Variants in THAP3 observed in about 807,000 individuals in gnomAD.
THAP3 encodes the protein THAP domain containing 3.
THAP3 carries 12 observed loss-of-function variants against 17.7 expected under a neutral mutation model. The ratio of observed to expected loss-of-function variants is 0.68; its 90% CI spans 0.43 to 1.10. The LOEUF (loss-of-function observed/expected upper bound fraction) is 1.10, where lower values mean the gene tolerates loss of function less well. THAP3 is among the 50% of genes least tolerant of loss of function. THAP3 has a pLI of 0.00. For missense variants in THAP3, 289 were observed against 318.0 expected, an observed-to-expected ratio of 0.91 and a Z score of 0.69; for synonymous variants, 133 against 126.9, an observed-to-expected ratio of 1.05 and a Z score of -0.32.
Position 6,632,076 on chromosome 1 carries a change from C to T in THAP3, c.334-315C>T, listed in dbSNP as rs556434635. Among the ~76,000 whole-genome samples, 297 of 145,628 alleles carry T rather than the reference C, an allele frequency of 2.0e-3. 1 individual carries two copies. Among genetic ancestry groups the T allele is most frequent in the Admixed American group, 3.0e-3 (44 of 14,516 alleles). ...AAAAAAAAAAAAAAATTTAGCCAGG[C>T]GTGGTGGCACATGCTTGTAATTCTA... On this transcript the variant is annotated intron_variant, in intron 4 of 5. Transcript: ENST00000054650.
At chr1:6,634,733 G>A, downstream of THAP3, 1 of 1,358,188 alleles carries the variant, frequency 7.4e-7, no homozygotes, top group South Asian at 1.2e-5. Context: ...CACAGGCCCT[G>A]GTGTTCCTGT....
intron 4 of THAP3, among the ~76,000 whole-genome samples, chr1:6,632,054 A>AAAG (rs1222092995): frequency 2.6e-5 from 4 of 151,192 alleles, no homozygotes; most frequent in African/African-American, 9.8e-5. Context: ...CTCAAAAAAA[A>AAAG]AAAAAAAAAA....
At chr1:6,633,957 T>G, downstream of THAP3, 1 of 1,451,502 alleles carries the variant, frequency 6.9e-7, no homozygotes, top group Non-Finnish European at 9.5e-7. Context: ...ATTTATAGCT[T>G]TAGTGAATTA....
downstream of THAP3, chr1:6,634,480 G>C: frequency 1.5e-6 from 2 of 1,327,380 alleles, no homozygotes; most frequent in Non-Finnish European, 2.0e-6. Context: ...ACAGCTGTGG[G>C]TGGGCTGGAG....
At chr1:6,630,481 C>T (rs373391397) in intron 4 of THAP3, 128 bp downstream of exon 4, 32 of 871,512 alleles carry the variant, frequency 3.7e-5, no homozygotes, top group East Asian at 5.2e-5. Context: ...TTTGGATTCC[C>T]GGTTTTTCTG....
chr1:6,628,088 CTGTT>C (rs1641511602), intron 2 of THAP3: 1 of 168,126 alleles, frequency 5.9e-6, no homozygotes, highest in Admixed American at 5.7e-5. Flanking sequence ...TTCCCTCTGT[CTGTT>C]CTCTGGAGCA....
chr1:6,634,825 G>A, downstream of THAP3: 1 of 1,256,200 alleles, frequency 8.0e-7, no homozygotes, highest in Non-Finnish European at 1.0e-6. Flanking sequence ...CCACGCCTTT[G>A]GGTTGGGTGT....
At chr1:6,632,065 A>AT (rs397958705) in intron 4 of THAP3, among the ~76,000 whole-genome samples, 1 of 149,828 alleles carries the variant, frequency 6.7e-6, no homozygotes, top group Non-Finnish European at 1.5e-5. Context: ...AAAAAAAAAA[A>AT]TTTAGCCAGG....
chr1:6,633,427 C>A lies in THAP3; in HGVS notation c.*350C>A. On this transcript the variant is annotated 3_prime_UTR_variant, in exon 6 of 6. Transcript: ENST00000054650. Reference sequence around the variant, plus strand: ...TGGGAGATGCTCCTCAGGGAGGAAGCCATGTGAGGGGGCTGGCTCTGTGGC... The same window carrying A: ...TGGGAGATGCTCCTCAGGGAGGAAGACATGTGAGGGGGCTGGCTCTGTGGC... 8.5e-7 allele frequency: 1 copy of A among 1,178,414 alleles called. No homozygotes were observed. The highest frequency in any genetic ancestry group is 1.1e-6 in the Non-Finnish European group (1 of 944,734). 73.0% of individuals were successfully genotyped at this position (1,178,414 alleles called of 1,614,324 possible). A position where few individuals can be genotyped will look rare whatever the true frequency, so the allele number is the denominator to read the frequency against.
downstream of THAP3, chr1:6,634,160 C>T (rs79312390): frequency 1.2e-3 from 1,706 of 1,372,716 alleles, 16 homozygotes; most frequent in African/African-American, 0.018. Flanking sequence ...CACGGAAGAG[C>T]GCCAGCCTCT....
downstream of THAP3, chr1:6,634,388 A>C: frequency 8.3e-7 from 1 of 1,199,168 alleles, no homozygotes; most frequent in Non-Finnish European, 1.1e-6. Flanking sequence ...GGACAACCCG[A>C]ACTGCTTTTC....
intron 2 of THAP3, among the ~76,000 whole-genome samples, chr1:6,626,373 C>T (rs2148714660): frequency 6.6e-6 from 1 of 152,096 alleles, no homozygotes; most frequent in Admixed American, 6.5e-5. Flanking sequence ...CCCAGGCCCT[C>T]CTCCTCTCTC....
intron 4 of THAP3, among the ~76,000 whole-genome samples, chr1:6,630,752 A>G (rs1376463770): frequency 6.6e-6 from 1 of 152,048 alleles, no homozygotes; most frequent in African/African-American, 2.4e-5. Flanking sequence ...TGTGTTTTGA[A>G]ATAGAGACGG....
chr1:6,625,126 C>A, intron 1 of THAP3, 24 bp from the exon 2 acceptor site: 1 of 1,386,816 alleles, frequency 7.2e-7, no homozygotes. Context: ...CACCACCTCC[C>A]AGCGGCCCCG....
intron 4 of THAP3, 48 bp from the exon 5 acceptor site, chr1:6,632,343 C>T (rs1441035297): frequency 2.5e-6 from 4 of 1,607,032 alleles, no homozygotes; most frequent in Non-Finnish European, 3.4e-6. Context: ...TGCAGGAGGG[C>T]CCTGCATGTG....
intron 5 of THAP3, 54 bp downstream of exon 5, chr1:6,632,549 A>G (rs747845212): frequency 2.5e-6 from 4 of 1,608,794 alleles, no homozygotes; most frequent in Non-Finnish European, 3.4e-6. Flanking sequence ...ACTTGCTCCA[A>G]ACAAAATGGA....
chr1:6,630,490 T>G (rs957560416), intron 4 of THAP3, 137 bp downstream of exon 4: 6 of 789,824 alleles, frequency 7.6e-6, no homozygotes, highest in Non-Finnish European at 1.1e-5. Flanking sequence ...CCGGTTTTTC[T>G]GGAGGGAAGG....
Position 6,632,941 on chromosome 1 carries a change from C to G in THAP3, c.584C>G (p.Thr195Ser). 1 of 1,612,974 alleles carries G rather than the reference C, an allele frequency of 6.2e-7. No individual in the cohort carries two copies. Among genetic ancestry groups the G allele is most frequent in the Non-Finnish European group, 8.5e-7 (1 of 1,179,906 alleles). The change falls in exon 6 of 6, where the codon ACT becomes AGT. Residue 195 changes from threonine to serine, a missense_variant. Transcript: ENST00000054650. ...LDSLKKKLFLTLKENEKLRKR... is the reference protein window; with the variant it reads ...LDSLKKKLFLSLKENEKLRKR... ...TCCCTGAAGAAAAAACTCTTCCTCA[C>G]TCTGAAGGAAAATGAAAAGCTCCGG... is the stretch of plus-strand genomic sequence containing the variant.
At chr1:6,629,028 C>T (rs1182884027) in intron 3 of THAP3, among the ~76,000 whole-genome samples, 1 of 152,158 alleles carries the variant, frequency 6.6e-6, no homozygotes, top group Admixed American at 6.5e-5. Context: ...ATGTTGAAAC[C>T]CCATTTCTAC....
Sources: gnomAD v4.1 joint callset for allele counts (sites outside exome capture counted in the v4.1 genomes callset) on GRCh38, gnomAD v4.1.1 for gene constraint, MANE v1.5 for transcripts, NCBI Gene and HGNC (gene_info 2026-07-23, HGNC 2026-07-21) for gene names.